BICC1: variants seen among roughly 807,000 people sequenced by gnomAD.
The protein encoded by BICC1 is BicC family RNA binding protein 1, also known as protein bicaudal C homolog 1.
BICC1 carries 43 observed loss-of-function variants against 111.0 expected under a neutral mutation model. The observed-to-expected ratio is 0.39, with a 90% CI of 0.30 to 0.50. BICC1 has a LOEUF of 0.50. Among genes scored for constraint, BICC1 ranks in the 20% least tolerant of loss-of-function variants. The pLI, the probability that BICC1 is intolerant of heterozygous loss-of-function variation, is 0.88. For missense variants in BICC1, 1,091 were observed against 1,203.2 expected, an observed-to-expected ratio of 0.91 and a Z score of 1.38; for synonymous variants, 467 against 434.4, an observed-to-expected ratio of 1.07 and a Z score of -0.93.
chr10:58,783,500 G>GGGAGTAT (rs1842934153), intron 3 of BICC1, among the ~76,000 whole-genome samples: 1 of 152,104 alleles, frequency 6.6e-6, no homozygotes, highest in South Asian at 2.1e-4. Flanking sequence ...ACAGTGTCAG[G>GGGAGTAT]GGAGTATGTG....
intron 1 of BICC1, among the ~76,000 whole-genome samples, chr10:58,604,650 G>A (rs575626817): frequency 6.6e-6 from 1 of 152,178 alleles, no homozygotes; most frequent in African/African-American, 2.4e-5. Flanking sequence ...AACAGAGCGG[G>A]GGAAAAAATA....
At chr10:58,653,978 A>T (rs912434020) in intron 2 of BICC1, among the ~76,000 whole-genome samples, 26 of 151,524 alleles carry the variant, frequency 1.7e-4, no homozygotes, top group African/African-American at 6.1e-4. Context: ...GATGATTTCC[A>T]ATTTCATCCA....
At chr10:58,662,596 C>T (rs1838879249) in intron 2 of BICC1, among the ~76,000 whole-genome samples, 2 of 152,128 alleles carry the variant, frequency 1.3e-5, no homozygotes, top group Non-Finnish European at 2.9e-5. Flanking sequence ...GAAACTCTGT[C>T]ACTGATTATC....
intron 1 of BICC1, among the ~76,000 whole-genome samples, chr10:58,607,305 A>C (rs1273332801): frequency 1.2e-4 from 2 of 17,288 alleles, no homozygotes; most frequent in Non-Finnish European, 3.8e-4. Flanking sequence ...AACAAGAGCG[A>C]AACTCTGTCT....
At chr10:58,815,231 T>C (rs1214212166) in intron 18 of BICC1, among the ~76,000 whole-genome samples, 2 of 152,218 alleles carry the variant, frequency 1.3e-5, no homozygotes, top group African/African-American at 2.4e-5. Context: ...CTATCACTCA[T>C]GTCAGCTGTA....
At chr10:58,780,488 A>G (rs1416447416) in intron 3 of BICC1, among the ~76,000 whole-genome samples, 1 of 152,200 alleles carries the variant, frequency 6.6e-6, no homozygotes, top group Non-Finnish European at 1.5e-5. Flanking sequence ...GAAAGTGGCT[A>G]CAGATTTTTG....
intron 2 of BICC1, among the ~76,000 whole-genome samples, chr10:58,686,766 G>A (rs188903428): frequency 9.9e-5 from 15 of 152,046 alleles, no homozygotes; most frequent in Admixed American, 3.3e-4. Context: ...TTAGCCATTC[G>A]TCTAATCTTT....
At chr10:58,679,400 A>G (rs753971990) in intron 2 of BICC1, among the ~76,000 whole-genome samples, 1 of 152,236 alleles carries the variant, frequency 6.6e-6, no homozygotes, top group Non-Finnish European at 1.5e-5. Flanking sequence ...AGAAAATACT[A>G]TAAGCACCTG....
intron 2 of BICC1, among the ~76,000 whole-genome samples, chr10:58,624,937 CT>C (rs1412184001): frequency 2.6e-5 from 4 of 152,086 alleles, no homozygotes; most frequent in Admixed American, 1.3e-4. Context: ...CACCCTTGGT[CT>C]TTTTTCTGTG....
intron 17 of BICC1, among the ~76,000 whole-genome samples, chr10:58,813,313 T>C (rs979208396): frequency 2.6e-4 from 39 of 152,294 alleles, no homozygotes; most frequent in African/African-American, 9.4e-4. Flanking sequence ...GTATGTAATT[T>C]GTTAGAGAGA....
At chr10:58,824,708 T>C (rs572912355) in intron 20 of BICC1, among the ~76,000 whole-genome samples, 3 of 152,268 alleles carry the variant, frequency 2.0e-5, no homozygotes, top group Admixed American at 2.0e-4. Flanking sequence ...CATGCAAATA[T>C]AAGGTGAATC....
At chr10:58,592,734 G>A (rs1451995699) in intron 1 of BICC1, among the ~76,000 whole-genome samples, 1 of 150,974 alleles carries the variant, frequency 6.6e-6, no homozygotes, top group African/African-American at 2.4e-5. Flanking sequence ...AAAAATAGCT[G>A]GGCCTGTTGG....
chr10:58,567,655 T>C (rs1843810899), intron 1 of BICC1, among the ~76,000 whole-genome samples: 2 of 152,030 alleles, frequency 1.3e-5, no homozygotes, highest in South Asian at 4.1e-4. Flanking sequence ...GAGCCTCTGC[T>C]GAATGCTGTG....
chr10:58,535,662 A>G (rs1842806688), intron 1 of BICC1, among the ~76,000 whole-genome samples: 1 of 151,754 alleles, frequency 6.6e-6, no homozygotes, highest in Non-Finnish European at 1.5e-5. Context: ...TTATAAAACA[A>G]TAACACAGTG....
chr10:58,817,650 A>T lies in BICC1; in HGVS notation c.2622A>T (p.Lys874Asn). 1.2e-6 allele frequency: 2 copies of T among 1,613,534 alleles called. No homozygotes were observed. The highest frequency in any genetic ancestry group is 1.7e-6 in the Non-Finnish European group (2 of 1,179,644). ...GCTGTAACTTAAATAGCTCTTTCAA[A>T]GGTTCTGACCTCCCTGAGCTCTTCA... Reference protein sequence around the residue: ...SNGCNLNSSFKGSDLPELFSK... With the variant: ...SNGCNLNSSFNGSDLPELFSK... Residue 874 changes from lysine to asparagine, a missense_variant, in exon 19 of 21, where the codon AAA (lysine) becomes AAT (asparagine). Around this residue, in one of 3 missense-constraint regions of BICC1, gnomAD observed 231 missense variants for 256.2 expected, o/e 0.90. Transcript: ENST00000373886.
chr10:58,561,958 G>A (rs1423525024), intron 1 of BICC1, among the ~76,000 whole-genome samples: 2 of 151,930 alleles, frequency 1.3e-5, no homozygotes, highest in Non-Finnish European at 1.5e-5. Flanking sequence ...TTTTCTTTTT[G>A]CTGGTAGCAT....
At chr10:58,540,630 G>C (rs1232228724) in intron 1 of BICC1, among the ~76,000 whole-genome samples, 1 of 151,914 alleles carries the variant, frequency 6.6e-6, no homozygotes, top group Non-Finnish European at 1.5e-5. Flanking sequence ...GAAGCCTCCT[G>C]ACAAAAGCCC....
chr10:58,513,739 C>A (rs1446894144), intron 1 of BICC1, among the ~76,000 whole-genome samples: 1 of 152,230 alleles, frequency 6.6e-6, no homozygotes, highest in East Asian at 1.9e-4. Flanking sequence ...CTGTCTCTCT[C>A]CGTCTGTTTC....
intron 3 of BICC1, among the ~76,000 whole-genome samples, chr10:58,774,155 C>T (rs1842689595): frequency 6.6e-6 from 1 of 152,186 alleles, no homozygotes; most frequent in Non-Finnish European, 1.5e-5. Flanking sequence ...GCTCCAGTTT[C>T]ACTGGGGAAT....
Sources: gnomAD v4.1 joint callset for allele counts (sites outside exome capture counted in the v4.1 genomes callset) on GRCh38, gnomAD v4.1.1 for gene constraint, gnomAD v4.1.1 regional missense constraint, MANE v1.5 for transcripts, NCBI Gene and HGNC (gene_info 2026-07-23, HGNC 2026-07-21) for gene names.